Variants in GDAP1L1 observed in about 807,000 individuals in gnomAD.
GDAP1L1 encodes the protein ganglioside-induced differentiation-associated protein 1-like 1.
A neutral mutation model predicts 37.1 loss-of-function variants in GDAP1L1; 21 were observed. The ratio of observed to expected loss-of-function variants is 0.57; its 90% CI spans 0.40 to 0.81. The LOEUF (loss-of-function observed/expected upper bound fraction) is 0.81, where lower values mean the gene tolerates loss of function less well. Among genes scored for constraint, GDAP1L1 ranks in the 40% least tolerant of loss-of-function variants. The pLI, the probability that GDAP1L1 is intolerant of heterozygous loss-of-function variation, is 0.00. For synonymous variants in GDAP1L1, 193 were observed against 209.1 expected (o/e 0.92, Z 0.67); for missense variants, 362 against 491.6 (o/e 0.74, Z 2.49).
Position 44,279,086 on chromosome 20 carries a change from A to G in GDAP1L1, c.890A>G (p.Asn297Ser). ...TACTGGGAAGATGGCAGCCGGCCCAACCTGCAGTCCTTCTTTGAGAGGGTC... is the reference window on the plus strand; with the variant it reads ...TACTGGGAAGATGGCAGCCGGCCCAGCCTGCAGTCCTTCTTTGAGAGGGTC... ...KKYWEDGSRP[N>S]LQSFFERVQR... Residue 297 changes from asparagine (N) to serine (S), a missense_variant, in exon 6 of 6, where the codon AAC (asparagine) becomes AGC (serine). Around this residue, in one of 2 missense-constraint regions of GDAP1L1, gnomAD observed 85 missense variants for 154.4 expected, o/e 0.55. Transcript: ENST00000342560. The G allele has an allele frequency of 6.2e-7, 1 of 1,614,160 alleles. No individual in the cohort carries two copies. The highest frequency in any genetic ancestry group is 8.5e-7 in the Non-Finnish European group (1 of 1,180,012).
chr20:44,264,405 G>A, intron 4 of GDAP1L1, 40 bp from the exon 5 acceptor site: 1 of 1,438,880 alleles, frequency 6.9e-7, no homozygotes, highest in African/African-American at 1.4e-5. Flanking sequence ...TGGCTCTATT[G>A]AGGCCAACTC....
At position 44,278,979 on chromosome 20, in the gene GDAP1L1, C is replaced by A. The variant is rs2062613326; in HGVS notation, c.783C>A (p.Leu261=). 1 of 1,613,124 alleles carries A rather than the reference C, an allele frequency of 6.2e-7. No homozygotes were observed. The highest frequency in any genetic ancestry group is 8.5e-7 in the Non-Finnish European group (1 of 1,179,352). ...TAGGGCAGAAATGCGAGCTGTGGCT[C>A]TGTGGCTGTGCCTTCACCCTCGCTG... ...ENEGQKCELW[L]CGCAFTLADV... Residue 261 remains leucine (L), a synonymous_variant, in exon 6 of 6, where the codon CTC becomes CTA. Transcript: ENST00000342560.
chr20:44,263,707 C>T (rs1306983408), intron 4 of GDAP1L1, among the ~76,000 whole-genome samples: 1 of 152,100 alleles, frequency 6.6e-6, no homozygotes. Flanking sequence ...AGCCGGGCAT[C>T]ATGGCGGATG....
chr20:44,258,340 G>T (rs1223070118), intron 2 of GDAP1L1, 94 bp from the exon 3 acceptor site: 14 of 1,257,872 alleles, frequency 1.1e-5, no homozygotes, highest in Admixed American at 5.9e-5. Flanking sequence ...GGGCCTCTGG[G>T]CAGAGACATC....
At position 44,248,799 on chromosome 20, in the gene GDAP1L1, G is replaced by A. The variant is rs941743275; in HGVS notation, c.180+1285G>A. The stretch of plus-strand genomic sequence containing the variant: ...CCAAGATGCTGCCTTTCCAACAAGC[G>A]ACCAGGTGATGCTGATGAAGCTGGT... On this transcript the variant is annotated intron_variant, in intron 1 of 5. Coordinates refer to ENST00000342560, the MANE Select transcript of GDAP1L1 (RefSeq NM_024034.6). Among the ~76,000 whole-genome samples the A allele has an allele frequency of 3.3e-5, 5 of 152,136 alleles. No homozygotes were observed. In the East Asian group the frequency reaches 7.7e-4, roughly 23 times the overall value.
chr20:44,262,219 G>A (rs1475800581), intron 3 of GDAP1L1, among the ~76,000 whole-genome samples: 2 of 152,070 alleles, frequency 1.3e-5, no homozygotes, highest in Non-Finnish European at 2.9e-5. Context: ...GAGGGGAGGT[G>A]ACAGAGGGTG....
intron 1 of GDAP1L1, among the ~76,000 whole-genome samples, 179 bp downstream of exon 1, chr20:44,247,693 G>A (rs184392088): frequency 6.6e-6 from 1 of 150,954 alleles, no homozygotes; most frequent in Non-Finnish European, 1.5e-5. Context: ...GAAGCGACAG[G>A]CCCTGTCTGG....
At chr20:44,249,075 G>A (rs1023026119) in intron 1 of GDAP1L1, among the ~76,000 whole-genome samples, 4 of 149,750 alleles carry the variant, frequency 2.7e-5, no homozygotes, top group East Asian at 3.9e-4. Context: ...TTGCTCTGTT[G>A]CCCAGGCTGG....
intron 5 of GDAP1L1, among the ~76,000 whole-genome samples, chr20:44,270,893 G>C (rs893519617): frequency 2.0e-5 from 3 of 152,210 alleles, no homozygotes. Context: ...AAATACAGCT[G>C]CTATTCAAGG....
At chr20:44,258,136 G>T in intron 2 of GDAP1L1, 1 of 717,290 alleles carries the variant, frequency 1.4e-6, no homozygotes, top group Non-Finnish European at 2.6e-6. Flanking sequence ...GGGGACCCAA[G>T]CATTGAGCAC....
At chr20:44,263,446 G>T (rs1467333360) in intron 4 of GDAP1L1, 119 bp downstream of exon 4, 2 of 781,494 alleles carry the variant, frequency 2.6e-6, no homozygotes, top group East Asian at 2.5e-5. Context: ...CCCCTGGCTT[G>T]CTTTTCCAAT....
chr20:44,251,268 T>C (rs953383970), intron 1 of GDAP1L1, among the ~76,000 whole-genome samples: 2 of 152,220 alleles, frequency 1.3e-5, no homozygotes, highest in Non-Finnish European at 2.9e-5. Flanking sequence ...ACTGCTGTTA[T>C]TTCCACCAGA....
intron 5 of GDAP1L1, chr20:44,265,490 G>A (rs1261620272): frequency 2.0e-6 from 2 of 985,240 alleles, no homozygotes; most frequent in Non-Finnish European, 2.4e-6. Flanking sequence ...GTATGGGAAG[G>A]CCGTAGAGCC....
At chr20:44,273,733 C>G (rs77239236) in intron 5 of GDAP1L1, among the ~76,000 whole-genome samples, 206 of 152,268 alleles carry the variant, frequency 1.4e-3, no homozygotes, top group East Asian at 0.013. Context: ...AAGCCTCCCC[C>G]CTTCACTCTC....
At chr20:44,276,543 C>T (rs377551781) in intron 5 of GDAP1L1, among the ~76,000 whole-genome samples, 25 of 152,150 alleles carry the variant, frequency 1.6e-4, no homozygotes, top group South Asian at 4.1e-4. Flanking sequence ...GATACTTTGA[C>T]GGGCAGTATT....
At position 44,252,667 on chromosome 20, in the gene GDAP1L1, A is replaced by C. The variant is rs552056308; in HGVS notation, c.181-4486A>C. Among the ~76,000 whole-genome samples the C allele has an allele frequency of 3.3e-5, 5 of 152,122 alleles. No individual in the cohort carries two copies. The East Asian group carries it at 9.7e-4, about 29-fold the overall frequency. The stretch of plus-strand genomic sequence containing the variant: ...AAACAAACAAACAAACAAACAAAAA[A>C]CAAAAGTTAGCTAGGCATGGTGGTG... On this transcript the variant is annotated intron_variant, in intron 1 of 5. Transcript: ENST00000342560.
At chr20:44,260,549 A>G (rs140379831) in intron 3 of GDAP1L1, among the ~76,000 whole-genome samples, 1 of 152,184 alleles carries the variant, frequency 6.6e-6, no homozygotes, top group East Asian at 1.9e-4. Context: ...AAAAACGTTT[A>G]ATCTGGTGCC....
At chr20:44,251,996 A>G (rs2073453917) in intron 1 of GDAP1L1, among the ~76,000 whole-genome samples, 1 of 152,252 alleles carries the variant, frequency 6.6e-6, no homozygotes, top group African/African-American at 2.4e-5. Flanking sequence ...AGACAACTGC[A>G]ACAACTGTGA....
At chr20:44,270,087 A>G (rs1010256829) in intron 5 of GDAP1L1, among the ~76,000 whole-genome samples, 2 of 152,286 alleles carry the variant, frequency 1.3e-5, no homozygotes, top group South Asian at 4.2e-4. Flanking sequence ...GCAGAGAGAG[A>G]CAAAAAGAGG....
Sources: gnomAD v4.1 joint callset for allele counts (sites outside exome capture counted in the v4.1 genomes callset) on GRCh38, gnomAD v4.1.1 for gene constraint, gnomAD v4.1.1 regional missense constraint, MANE v1.5 for transcripts, NCBI Gene and HGNC (gene_info 2026-07-23, HGNC 2026-07-21) for gene names.